PRP4K: variants seen among roughly 807,000 people sequenced by gnomAD.
PRP4K encodes the protein pre-mRNA processing factor kinase PRP4K, also known as serine/threonine-protein kinase PRP4 homolog.
the PRP4K span, among the ~76,000 whole-genome samples, chr6:4,048,204 C>G: frequency 1.3e-5 from 2 of 151,504 alleles, no homozygotes; most frequent in African/African-American, 4.9e-5. Flanking sequence ...CGGTGAAACC[C>G]CATCTCTACT....
the PRP4K span, among the ~76,000 whole-genome samples, chr6:4,046,837 T>C: frequency 6.6e-6 from 1 of 151,954 alleles, no homozygotes; most frequent in African/African-American, 2.4e-5. Flanking sequence ...TTTGTATTTT[T>C]AGTAGAGATG....
the PRP4K span, chr6:4,042,466 G>A: frequency 1.9e-6 from 3 of 1,554,784 alleles, no homozygotes; most frequent in Admixed American, 1.7e-5. Context: ...TCTCTTAAGG[G>A]TGTTTGAATT....
At chr6:4,041,583 G>A in the PRP4K span, among the ~76,000 whole-genome samples, 1 of 152,100 alleles carries the variant, frequency 6.6e-6, no homozygotes, top group African/African-American at 2.4e-5. Flanking sequence ...ATGCAGACTT[G>A]ATTGTCTAAG....
chr6:4,021,357 C>G, the PRP4K span: 17 of 1,548,310 alleles, frequency 1.1e-5, no homozygotes, highest in African/African-American at 2.1e-4. Flanking sequence ...TTCCTTCTTC[C>G]TCCACTTCCC....
the PRP4K span, among the ~76,000 whole-genome samples, chr6:4,023,853 A>AT: frequency 6.7e-6 from 1 of 149,312 alleles, no homozygotes; most frequent in South Asian, 2.1e-4. Context: ...CCACAGGCAT[A>AT]TGACACCATG....
At chr6:4,034,230 C>T in the PRP4K span, among the ~76,000 whole-genome samples, 1 of 151,888 alleles carries the variant, frequency 6.6e-6, no homozygotes, top group South Asian at 2.1e-4. Flanking sequence ...GGAAACATTT[C>T]TGCGACAAAA....
At chr6:4,032,700 C>A in the PRP4K span, 2 of 1,598,184 alleles carry the variant, frequency 1.3e-6, no homozygotes, top group Non-Finnish European at 1.7e-6. Context: ...AGCCAAGAGC[C>A]GATCCTTAGA....
chr6:4,037,535 G>T, the PRP4K span: 1 of 1,613,906 alleles, frequency 6.2e-7, no homozygotes, highest in South Asian at 1.1e-5. Context: ...GACGTAGCAG[G>T]TCTCCAAGAA....
At chr6:4,054,897 G>C in the PRP4K span, among the ~76,000 whole-genome samples, 1 of 152,198 alleles carries the variant, frequency 6.6e-6, no homozygotes, top group African/African-American at 2.4e-5. Flanking sequence ...GACCATTGTG[G>C]AGGTTAAAGA....
At chr6:4,037,902 A>G in the PRP4K span, among the ~76,000 whole-genome samples, 1 of 151,762 alleles carries the variant, frequency 6.6e-6, no homozygotes, top group Non-Finnish European at 1.5e-5. Context: ...GTAGTAGTAA[A>G]TATATAGCCC....
At chr6:4,029,337 CA>C in the PRP4K span, among the ~76,000 whole-genome samples, 159 of 119,510 alleles carry the variant, frequency 1.3e-3, no homozygotes, top group Non-Finnish European at 2.2e-3. Context: ...CGGTGTTACT[CA>C]ATTTTTTTTT....
chr6:4,027,085 T>TAAAAG, the PRP4K span, among the ~76,000 whole-genome samples: 2 of 152,186 alleles, frequency 1.3e-5, no homozygotes, highest in Non-Finnish European at 2.9e-5. Context: ...ATAGGACCTT[T>TAAAAG]TGCTCTGAAT....
At chr6:4,024,792 G>A in the PRP4K span, among the ~76,000 whole-genome samples, 3 of 152,016 alleles carry the variant, frequency 2.0e-5, no homozygotes, top group Admixed American at 6.6e-5. Flanking sequence ...TAGTAGAGAC[G>A]GGATTTCACC....
the PRP4K span, among the ~76,000 whole-genome samples, chr6:4,025,758 A>G: frequency 6.6e-6 from 1 of 152,190 alleles, no homozygotes; most frequent in African/African-American, 2.4e-5. Flanking sequence ...TGAAACTCCT[A>G]AGATTTTTGT....
the PRP4K span, among the ~76,000 whole-genome samples, chr6:4,045,589 G>A: frequency 6.6e-6 from 1 of 152,090 alleles, no homozygotes; most frequent in South Asian, 2.1e-4. Context: ...TGAGATTATT[G>A]GGGTTTATTA....
chr6:4,042,185 G>C, the PRP4K span, among the ~76,000 whole-genome samples: 1 of 152,114 alleles, frequency 6.6e-6, no homozygotes, highest in African/African-American at 2.4e-5. Flanking sequence ...AGGCTAGATA[G>C]GTAAAGTGAC....
At chr6:4,047,160 C>G in the PRP4K span, 2 of 1,587,900 alleles carry the variant, frequency 1.3e-6, no homozygotes, top group African/African-American at 2.7e-5. Flanking sequence ...AACATTAATG[C>G]TAATTTCCTT....
At chr6:4,028,449 C>A in the PRP4K span, among the ~76,000 whole-genome samples, 4 of 152,068 alleles carry the variant, frequency 2.6e-5, no homozygotes, top group African/African-American at 9.7e-5. Context: ...TCAAGGAATC[C>A]TCCCACTTCA....
chr6:4,022,459 T>C, the PRP4K span, among the ~76,000 whole-genome samples: 313 of 73,990 alleles, frequency 4.2e-3, 2 homozygotes, highest in African/African-American at 0.015. Context: ...GACCGTTTTT[T>C]TTTTTTGTTT....
Sources: gnomAD v4.1 joint callset for allele counts (sites outside exome capture counted in the v4.1 genomes callset) on GRCh38, gnomAD v4.1.1 for gene constraint, MANE v1.5 for transcripts, NCBI Gene and HGNC (gene_info 2026-07-23, HGNC 2026-07-21) for gene names.